Variants in CDC42BPA observed in about 807,000 individuals in gnomAD.
The protein encoded by CDC42BPA is serine/threonine-protein kinase MRCK alpha.
CDC42BPA carries 80 observed loss-of-function variants against 223.5 expected under a neutral mutation model. The ratio of observed to expected loss-of-function variants is 0.36; its 90% CI spans 0.30 to 0.43. The LOEUF (loss-of-function observed/expected upper bound fraction) is 0.43, where lower values mean the gene tolerates loss of function less well. Among genes scored for constraint, CDC42BPA ranks in the 20% least tolerant of loss-of-function variants. CDC42BPA has a pLI of 1.00. For missense variants in CDC42BPA, 1,743 were observed against 2,099.9 expected (o/e 0.83, Z 3.32); for synonymous variants, 694 against 718.6 (o/e 0.97, Z 0.55).
At position 227,026,172 on chromosome 1, in the gene CDC42BPA, G is replaced by C. The variant is rs753935300; in HGVS notation, c.4433-20C>G. ...TGTAACCTGGGAGAAGGGAAGGGGG[G>C]GCAGCTTGCGGATTACTTTTAACTA... is the stretch of plus-strand genomic sequence containing the variant. On this transcript the variant is annotated intron_variant, in intron 30 of 36. Transcript: ENST00000366766. The C allele has an allele frequency of 1.5e-6, 2 of 1,327,370 alleles. No homozygotes were observed. Among genetic ancestry groups the C allele is most frequent in the Admixed American group, 3.9e-5 (2 of 51,468 alleles). The allele number at this position is 1,327,370 out of a possible 1,614,324, so 82.2% of individuals were successfully genotyped here. A position where few individuals can be genotyped will look rare whatever the true frequency, so the allele number is the denominator to read the frequency against.
chr1:227,105,595 C>A (rs944142889), intron 14 of CDC42BPA, among the ~76,000 whole-genome samples: 4 of 152,038 alleles, frequency 2.6e-5, no homozygotes, highest in African/African-American at 9.7e-5. Context: ...CTCAAGTAAT[C>A]CTCCTGCTTC....
chr1:227,088,554 A>G (rs1484832202), intron 16 of CDC42BPA, among the ~76,000 whole-genome samples: 1 of 152,232 alleles, frequency 6.6e-6, no homozygotes, highest in Non-Finnish European at 1.5e-5. Flanking sequence ...CTTTCATGTT[A>G]AATATTTTCC....
At chr1:227,158,578 C>T (rs1044461281) in intron 6 of CDC42BPA, among the ~76,000 whole-genome samples, 6 of 151,976 alleles carry the variant, frequency 3.9e-5, no homozygotes, top group Non-Finnish European at 2.9e-5. Flanking sequence ...TGTCATAAGC[C>T]CCTCTACTTG....
chr1:227,266,609 G>T (rs1287824966), intron 1 of CDC42BPA, among the ~76,000 whole-genome samples: 4 of 152,220 alleles, frequency 2.6e-5, no homozygotes, highest in African/African-American at 9.6e-5. Flanking sequence ...TGGAAATTTT[G>T]CCAAGTTTAT....
intron 6 of CDC42BPA, among the ~76,000 whole-genome samples, chr1:227,159,704 A>G (rs1315243958): frequency 6.6e-6 from 1 of 151,138 alleles, no homozygotes; most frequent in South Asian, 2.1e-4. Flanking sequence ...TTTTTTCTTT[A>G]AAACAGAGAC....
intron 1 of CDC42BPA, among the ~76,000 whole-genome samples, chr1:227,302,552 CAG>C (rs1197796758): frequency 6.6e-6 from 1 of 152,124 alleles, no homozygotes; most frequent in East Asian, 1.9e-4. Flanking sequence ...TGTTTGTCCC[CAG>C]AGTTTTAGGA....
intron 4 of CDC42BPA, among the ~76,000 whole-genome samples, chr1:227,197,779 T>C (rs578063589): frequency 6.6e-6 from 1 of 152,282 alleles, no homozygotes; most frequent in South Asian, 2.1e-4. Context: ...TGAAAACATT[T>C]TGAAAATTAT....
chr1:227,147,076 C>T (rs1461657504), intron 7 of CDC42BPA, among the ~76,000 whole-genome samples: 1 of 152,054 alleles, frequency 6.6e-6, no homozygotes, highest in Non-Finnish European at 1.5e-5. Context: ...TATACATATA[C>T]TATAGTAAGC....
intron 5 of CDC42BPA, among the ~76,000 whole-genome samples, chr1:227,164,523 A>C (rs1259381116): frequency 6.6e-6 from 1 of 151,820 alleles, no homozygotes; most frequent in Non-Finnish European, 1.5e-5. Flanking sequence ...ATTAAATCTT[A>C]GGCATTGTGG....
chr1:227,229,086 A>G (rs1281582313), intron 2 of CDC42BPA, among the ~76,000 whole-genome samples: 2 of 150,792 alleles, frequency 1.3e-5, no homozygotes, highest in African/African-American at 2.5e-5. Flanking sequence ...TTTAAGAACC[A>G]TTGCCTAAGC....
intron 1 of CDC42BPA, chr1:227,264,975 G>C: frequency 1.1e-6 from 1 of 909,916 alleles, no homozygotes; most frequent in Non-Finnish European, 1.9e-6. Context: ...ACCTCATTTG[G>C]GCAGTGCTGC....
chr1:227,130,983 C>G (rs1444364579), intron 10 of CDC42BPA, among the ~76,000 whole-genome samples: 1 of 152,208 alleles, frequency 6.6e-6, no homozygotes, highest in East Asian at 1.9e-4. Context: ...ATTGCCACCT[C>G]TTTCCTCAAA....
intron 5 of CDC42BPA, among the ~76,000 whole-genome samples, chr1:227,167,087 T>C (rs1357841720): frequency 3.9e-5 from 6 of 152,180 alleles, no homozygotes. Flanking sequence ...AGCTAAGATT[T>C]TGGCATCTTA....
chr1:227,242,215 G>T (rs1680146906), intron 2 of CDC42BPA, among the ~76,000 whole-genome samples: 1 of 152,046 alleles, frequency 6.6e-6, no homozygotes, highest in Non-Finnish European at 1.5e-5. Context: ...ATAAAAGTTA[G>T]CTCCTATTAA....
intron 1 of CDC42BPA, among the ~76,000 whole-genome samples, chr1:227,270,258 ATACT>A (rs1398838884): frequency 5.9e-5 from 9 of 152,324 alleles, no homozygotes; most frequent in South Asian, 4.1e-4. Flanking sequence ...ATGCACATAA[ATACT>A]TAAGTAAATG....
intron 3 of CDC42BPA, among the ~76,000 whole-genome samples, chr1:227,201,773 G>GT (rs11304692): frequency 0.31 from 45,393 of 146,354 alleles, 7,125 homozygotes; most frequent in Middle Eastern, 0.36. Flanking sequence ...TGCTCTGTAA[G>GT]TTTTTTTTTT....
chr1:227,313,791 TAAAAA>T (rs1559022275), intron 1 of CDC42BPA, among the ~76,000 whole-genome samples: 1 of 152,038 alleles, frequency 6.6e-6, no homozygotes, highest in African/African-American at 2.4e-5. Flanking sequence ...ACTATACTAA[TAAAAA>T]GAAAAGCTTA....
chr1:227,122,697 G>A (rs1294838017), intron 11 of CDC42BPA, among the ~76,000 whole-genome samples: 1 of 152,174 alleles, frequency 6.6e-6, no homozygotes, highest in Non-Finnish European at 1.5e-5. Flanking sequence ...TGTTGGAAAA[G>A]ATAACCCCTC....
Position 226,994,331 on chromosome 1 carries a change from A to C in CDC42BPA, c.5202T>G (p.Ala1734=). 6.2e-7 allele frequency: 1 copy of C among 1,600,008 alleles called. No individual in the cohort carries two copies. Among genetic ancestry groups the C allele is most frequent in the Non-Finnish European group, 8.5e-7 (1 of 1,172,144 alleles). ...SSNLSSPPSP[A]SPRKTKSLSL... is the part of the protein sequence containing the mutation. ...AGAGGCTCTTGGTTTTTCGGGGTGA[A>C]GCTGGGCTTGGGGGGCTGCTTAGGT... The change falls in exon 37 of 37, where the codon GCT becomes GCG. Residue 1734 remains alanine (A), a synonymous_variant. Coordinates refer to ENST00000366766, the MANE Select transcript of CDC42BPA (RefSeq NM_001394014.1). The surrounding 1 kb of genome is among the most constrained non-coding windows in gnomAD (Gnocchi z 4.0).
Sources: gnomAD v4.1 joint callset for allele counts (sites outside exome capture counted in the v4.1 genomes callset) on GRCh38, gnomAD v4.1.1 for gene constraint, Gnocchi (gnomAD v3.1) non-coding constraint, MANE v1.5 for transcripts, NCBI Gene and HGNC (gene_info 2026-07-23, HGNC 2026-07-21) for gene names.